Variants in CDH18 observed in about 807,000 individuals in gnomAD.
The protein encoded by CDH18 is cadherin-18.
A neutral mutation model predicts 67.9 loss-of-function variants in CDH18; 31 were observed. The observed-to-expected ratio is 0.46, with a 90% CI of 0.34 to 0.62. The LOEUF (loss-of-function observed/expected upper bound fraction) is 0.62. Among genes scored for constraint, CDH18 ranks in the 20% least tolerant of loss-of-function variants. The pLI, the probability that CDH18 is intolerant of heterozygous loss-of-function variation, is 0.01. For synonymous variants in CDH18, 362 were observed against 347.2 expected (o/e 1.04, Z -0.48); for missense variants, 890 against 975.5 (o/e 0.91, Z 1.17).
In CDH18 at chr5:20,464,793, G is replaced by A. The variant is rs113270227; in HGVS notation, c.-580+110669C>T. On this transcript the variant is annotated intron_variant, in intron 1 of 14. Coordinates refer to the CDH18 transcript ENST00000507958. The stretch of plus-strand genomic sequence containing the variant: ...TTGAGATGGCAAGGAAGAGAAGTTG[G>A]AGACAATGCTATAAATAAAACCCTG... Among the ~76,000 whole-genome samples the A allele has an allele frequency of 6.9e-3, 1,052 of 152,206 alleles. 6 individuals carry two copies. Among genetic ancestry groups the A allele is most frequent in the Non-Finnish European group, 0.011 (764 of 67,976 alleles).
At chr5:20,260,332 G>A (rs1744552298) in intron 1 of CDH18, among the ~76,000 whole-genome samples, 1 of 151,852 alleles carries the variant, frequency 6.6e-6, no homozygotes, top group Non-Finnish European at 1.5e-5. Context: ...TGGGAGAGTT[G>A]GGGGGCAATA....
chr5:19,848,656 T>C (rs1429726355), intron 2 of CDH18, among the ~76,000 whole-genome samples: 2 of 151,992 alleles, frequency 1.3e-5, no homozygotes, highest in African/African-American at 4.8e-5. Flanking sequence ...AAAGTCATTC[T>C]AGCTTCCATG....
intron 2 of CDH18, among the ~76,000 whole-genome samples, chr5:19,915,855 C>T (rs960145129): frequency 3.3e-5 from 5 of 151,732 alleles, no homozygotes; most frequent in South Asian, 2.1e-4. Context: ...CCTGGTCCAG[C>T]GACCAGATCA....
chr5:19,989,856 A>C (rs1400331161), upstream of CDH18, among the ~76,000 whole-genome samples: 1 of 152,220 alleles, frequency 6.6e-6, no homozygotes, highest in African/African-American at 2.4e-5. Context: ...TTGGGAAGGA[A>C]TTGCACATTT....
At chr5:19,558,561 C>G (rs2127192297) in intron 8 of CDH18, among the ~76,000 whole-genome samples, 1 of 151,940 alleles carries the variant, frequency 6.6e-6, no homozygotes, top group Middle Eastern at 3.4e-3. Flanking sequence ...GGATAAATTC[C>G]TGGAAATATA....
chr5:20,423,946 C>CAAAAAAAAAA lies in CDH18; in HGVS notation c.-580+151506_-580+151515dup, dbSNP rs553723574. On this transcript the variant is annotated intron_variant, in intron 1 of 14. Transcript: ENST00000507958. Reference sequence around the variant, plus strand: ...TGGGCGACTGAGCGAGACTCCGTCTCAAAAAAAAAAAAAAAAAAAAAAAAA... The same window carrying CAAAAAAAAAA: ...TGGGCGACTGAGCGAGACTCCGTCTCAAAAAAAAAAAAAAAAAAAAAAAAAAAAAAAAAAA... Among the ~76,000 whole-genome samples the CAAAAAAAAAA allele has an allele frequency of 3.5e-3, 222 of 63,800 alleles. 24 individuals carry two copies. Among genetic ancestry groups the CAAAAAAAAAA allele is most frequent in the African/African-American group, 0.019 (216 of 11,170 alleles). 41.9% of individuals were successfully genotyped at this position (63,800 alleles called of 152,430 possible).
chr5:20,114,494 A>C (rs920666032), intron 2 of CDH18, among the ~76,000 whole-genome samples: 1 of 152,218 alleles, frequency 6.6e-6, no homozygotes, highest in African/African-American at 2.4e-5. Context: ...GGAAGCAGGG[A>C]GAAGTCTAGA....
chr5:19,498,953 C>T lies in CDH18; in HGVS notation c.1630+4039G>A, dbSNP rs561636043. On this transcript the variant is annotated intron_variant, in intron 11 of 12. Coordinates refer to ENST00000382275, the MANE Select transcript of CDH18 (RefSeq NM_004934.5). Reference sequence around the variant, plus strand: ...ACACATCTCTTATATGCTGGTTGAGCAGCATGTTTATTCTTTGCTCCATTT... The same window carrying T: ...ACACATCTCTTATATGCTGGTTGAGTAGCATGTTTATTCTTTGCTCCATTT... Among the ~76,000 whole-genome samples the T allele has an allele frequency of 2.0e-5, 3 of 152,248 alleles. No homozygotes were observed. In the South Asian group the frequency reaches 6.2e-4, roughly 32 times the overall value.
intron 1 of CDH18, among the ~76,000 whole-genome samples, chr5:20,284,995 G>C (rs1331560798): frequency 6.6e-6 from 1 of 151,630 alleles, no homozygotes; most frequent in African/African-American, 2.4e-5. Flanking sequence ...TTTATTTTAT[G>C]TTTAAGTCAA....
At chr5:19,918,274 G>A (rs4288117) in intron 2 of CDH18, among the ~76,000 whole-genome samples, 133,540 of 152,146 alleles carry the variant, frequency 0.88, 59,135 homozygotes, top group South Asian at 0.97. Context: ...TCACAAGTTA[G>A]TACACTTCAA....
chr5:20,269,791 A>G (rs1745303642), intron 1 of CDH18, among the ~76,000 whole-genome samples: 1 of 152,144 alleles, frequency 6.6e-6, no homozygotes, highest in African/African-American at 2.4e-5. Flanking sequence ...TCCAGGTGAC[A>G]GATACTCTAG....
At chr5:19,615,112 A>C (rs1219645278) in intron 5 of CDH18, among the ~76,000 whole-genome samples, 1 of 147,118 alleles carries the variant, frequency 6.8e-6, no homozygotes. Context: ...GCGCCACTAC[A>C]CTCCAGCCCG....
intron 2 of CDH18, among the ~76,000 whole-genome samples, chr5:20,030,019 G>C (rs1287796377): frequency 6.6e-6 from 1 of 152,162 alleles, no homozygotes; most frequent in East Asian, 1.9e-4. Context: ...GTTGGCTGGG[G>C]GCCACCCTCA....
intron 5 of CDH18, among the ~76,000 whole-genome samples, chr5:19,670,160 GGA>G (rs1758541198): frequency 1.3e-5 from 2 of 151,790 alleles, no homozygotes; most frequent in African/African-American, 4.8e-5. Context: ...TAGCAGGAAA[GGA>G]AAAAATAAGG....
chr5:19,957,318 G>A (rs28625570), intron 2 of CDH18, among the ~76,000 whole-genome samples: 11,827 of 150,642 alleles, frequency 0.079, 1,499 homozygotes, highest in African/African-American at 0.27. Flanking sequence ...GTATATATAT[G>A]TTTTATATAT....
intron 8 of CDH18, among the ~76,000 whole-genome samples, chr5:19,554,783 T>C (rs186040308): frequency 8.5e-5 from 13 of 152,140 alleles, no homozygotes; most frequent in Non-Finnish European, 4.4e-5. Flanking sequence ...AATGGAAGAT[T>C]TTTAGAGGTC....
chr5:20,559,709 A>T (rs1758098251), intron 1 of CDH18, among the ~76,000 whole-genome samples: 1 of 152,104 alleles, frequency 6.6e-6, no homozygotes, highest in African/African-American at 2.4e-5. Context: ...CTAATATTGA[A>T]TTCCAACCTG....
intron 6 of CDH18, among the ~76,000 whole-genome samples, chr5:19,598,534 T>C (rs1210325657): frequency 1.3e-5 from 2 of 152,076 alleles, no homozygotes; most frequent in East Asian, 3.8e-4. Context: ...GAACCAAATA[T>C]GAAGGTTAAA....
chr5:20,378,080 A>G (rs1743608956), intron 1 of CDH18, among the ~76,000 whole-genome samples: 1 of 152,120 alleles, frequency 6.6e-6, no homozygotes, highest in Admixed American at 6.6e-5. Context: ...GAGAGAGAAA[A>G]TTGTTTTGCC....
Sources: gnomAD v4.1 joint callset for allele counts (sites outside exome capture counted in the v4.1 genomes callset) on GRCh38, gnomAD v4.1.1 for gene constraint, MANE v1.5 for transcripts, NCBI Gene and HGNC (gene_info 2026-07-23, HGNC 2026-07-21) for gene names.